DDX10: variants seen among roughly 807,000 people sequenced by gnomAD.
DDX10 encodes probable ATP-dependent RNA helicase DDX10.
DDX10 carries 74 observed loss-of-function variants against 104.3 expected under a neutral mutation model. The ratio of observed to expected loss-of-function variants is 0.71; its 90% CI spans 0.59 to 0.86. The LOEUF is 0.86. Among genes scored for constraint, DDX10 ranks in the 40% least tolerant of loss-of-function variants. DDX10 has a pLI of 0.00. For synonymous variants in DDX10, 351 were observed against 353.4 expected, an observed-to-expected ratio of 0.99 and a Z score of 0.08; for missense variants, 952 against 1,040.0, an observed-to-expected ratio of 0.92 and a Z score of 1.16.
At chr11:108,788,510 G>C (rs1861826797) in intron 13 of DDX10, among the ~76,000 whole-genome samples, 1 of 152,036 alleles carries the variant, frequency 6.6e-6, no homozygotes, top group Non-Finnish European at 1.5e-5. Flanking sequence ...TTACAGGTAT[G>C]CGCCACCACG....
intron 15 of DDX10, among the ~76,000 whole-genome samples, chr11:108,844,555 G>C (rs1335956952): frequency 6.6e-6 from 1 of 152,210 alleles, no homozygotes; most frequent in Non-Finnish European, 1.5e-5. Context: ...ATCTTCACAT[G>C]TGGGAAAGTG....
At chr11:108,914,250 T>C (rs976381338) in intron 16 of DDX10, among the ~76,000 whole-genome samples, 7 of 152,224 alleles carry the variant, frequency 4.6e-5, no homozygotes, top group African/African-American at 1.7e-4. Flanking sequence ...GGTCACTTTA[T>C]AATGCTAAAG....
At chr11:108,893,235 A>G (rs1313402288) in intron 16 of DDX10, among the ~76,000 whole-genome samples, 1 of 152,130 alleles carries the variant, frequency 6.6e-6, no homozygotes, top group Non-Finnish European at 1.5e-5. Context: ...AAGATTATTC[A>G]TATCATTGAC....
At chr11:108,838,257 T>C (rs1862584247) in intron 13 of DDX10, 189 bp from the exon 14 acceptor site, 1 of 482,940 alleles carries the variant, frequency 2.1e-6, no homozygotes, top group Non-Finnish European at 3.5e-6. Flanking sequence ...TAAACTCTTT[T>C]AGGTTTTGGG....
chr11:108,822,160 A>G (rs1427171949), intron 13 of DDX10, among the ~76,000 whole-genome samples: 1 of 152,240 alleles, frequency 6.6e-6, no homozygotes, highest in Non-Finnish European at 1.5e-5. Flanking sequence ...AAAAACAAAC[A>G]TATTCATCTA....
At chr11:108,934,967 A>T (rs946588325) in intron 17 of DDX10, among the ~76,000 whole-genome samples, 3 of 152,080 alleles carry the variant, frequency 2.0e-5, no homozygotes, top group African/African-American at 7.2e-5. Flanking sequence ...AGCAAAATCC[A>T]TTGAAATGTT....
intron 13 of DDX10, among the ~76,000 whole-genome samples, chr11:108,813,133 T>TA (rs1244273500): frequency 6.6e-6 from 1 of 152,144 alleles, no homozygotes; most frequent in African/African-American, 2.4e-5. Flanking sequence ...TAAGAGCACA[T>TA]ATTTCTTTAA....
rs150032662 is a variant in DDX10, at chr11:108,681,493, G to A, written c.848+1933G>A. 3.3e-4 allele frequency among the ~76,000 whole-genome samples: 51 copies of A among 152,260 alleles called. 1 individual carries two copies. Among genetic ancestry groups the A allele is most frequent in the African/African-American group, 9.9e-4 (41 of 41,568 alleles). ...GGAATTTCATCTAATGTCAATGTTA[G>A]CTTTTCCACTTTAGTAGCTTATCAA... On this transcript the variant is annotated intron_variant, in intron 6 of 17. Transcript: ENST00000322536.
chr11:108,809,771 A>G (rs995761302), intron 13 of DDX10, among the ~76,000 whole-genome samples: 4 of 152,204 alleles, frequency 2.6e-5, no homozygotes, highest in South Asian at 2.1e-4. Flanking sequence ...AGTGTCTGGT[A>G]TGGTGCTTGG....
chr11:108,777,982 T>C (rs1391923713), intron 13 of DDX10, among the ~76,000 whole-genome samples: 1 of 152,044 alleles, frequency 6.6e-6, no homozygotes, highest in Non-Finnish European at 1.5e-5. Context: ...GAATCCAACT[T>C]ACAAGGGATG....
At chr11:108,668,916 A>T (rs533121567) in intron 1 of DDX10, among the ~76,000 whole-genome samples, 4 of 152,154 alleles carry the variant, frequency 2.6e-5, no homozygotes, top group Non-Finnish European at 5.9e-5. Context: ...GGTCAGATGC[A>T]TTACAAAAAA....
chr11:108,836,802 T>A (rs1862561678), intron 13 of DDX10, among the ~76,000 whole-genome samples: 1 of 152,226 alleles, frequency 6.6e-6, no homozygotes, highest in African/African-American at 2.4e-5. Flanking sequence ...GTGGTTTATT[T>A]TTAAGCATTT....
At chr11:108,702,391 T>G (rs1460261059) in intron 9 of DDX10, among the ~76,000 whole-genome samples, 2 of 152,160 alleles carry the variant, frequency 1.3e-5, no homozygotes, top group Non-Finnish European at 2.9e-5. Flanking sequence ...ACTTGTAACA[T>G]GGAGAACCAG....
intron 16 of DDX10, among the ~76,000 whole-genome samples, chr11:108,855,888 T>C (rs1374164615): frequency 6.6e-6 from 1 of 152,358 alleles, no homozygotes; most frequent in Admixed American, 6.5e-5. Context: ...TTAAAAATGA[T>C]GATTATAGTT....
intron 17 of DDX10, among the ~76,000 whole-genome samples, chr11:108,928,561 G>A (rs1367845863): frequency 6.6e-6 from 1 of 152,156 alleles, no homozygotes; most frequent in Non-Finnish European, 1.5e-5. Flanking sequence ...CAGGCTACTT[G>A]GCTTTGTGGG....
intron 13 of DDX10, among the ~76,000 whole-genome samples, chr11:108,723,999 C>G (rs1314557085): frequency 1.3e-5 from 2 of 152,060 alleles, no homozygotes; most frequent in Non-Finnish European, 2.9e-5. Context: ...CCGTAGCCAT[C>G]TTCTAGGAGG....
intron 16 of DDX10, among the ~76,000 whole-genome samples, chr11:108,896,079 G>A (rs1863436656): frequency 6.6e-6 from 1 of 152,112 alleles, no homozygotes; most frequent in South Asian, 2.1e-4. Flanking sequence ...TTAATTGAAA[G>A]TGACTTTAGT....
At position 108,690,555 on chromosome 11, in the gene DDX10, G is replaced by A. The variant is rs115485385; in HGVS notation, c.976-1321G>A. 1,132 of 156,240 alleles carry A rather than the reference G, an allele frequency of 7.2e-3. 11 individuals are homozygous for A. The highest frequency in any genetic ancestry group is 0.026 in the African/African-American group (1,064 of 41,564). The allele number at this position is 156,240 out of a possible 1,614,324, so 9.7% of individuals were successfully genotyped here. A position where few individuals can be genotyped will look rare whatever the true frequency, so the allele number is the denominator to read the frequency against. ...AATGGAGAGCTTGGCCAGGATAATGGCTCCTCAAATGGCAGTGGCTACCTC... is the reference window on the plus strand; with the variant it reads ...AATGGAGAGCTTGGCCAGGATAATGACTCCTCAAATGGCAGTGGCTACCTC... On this transcript the variant is annotated intron_variant, in intron 7 of 17. Transcript: ENST00000322536.
intron 13 of DDX10, among the ~76,000 whole-genome samples, chr11:108,731,496 C>T (rs7939884): frequency 0.056 from 8,401 of 151,336 alleles, 765 homozygotes; most frequent in African/African-American, 0.19. Context: ...GACCCTGCAA[C>T]CGTGATCTCA....
Sources: allele counts gnomAD v4.1 joint callset (sites outside exome capture counted in the v4.1 genomes callset), GRCh38; gene constraint gnomAD v4.1.1; transcripts MANE v1.5; gene names NCBI Gene and HGNC (gene_info 2026-07-23, HGNC 2026-07-21).